FGF1: variants seen among roughly 807,000 people sequenced by gnomAD.
FGF1 encodes the protein fibroblast growth factor 1, also known as beta-endothelial cell growth factor.
Under a neutral mutation model 13.4 loss-of-function variants are expected in FGF1, and 9 were observed. That is an observed-to-expected ratio of 0.67 (90% confidence interval 0.40 to 1.17). FGF1 has a LOEUF of 1.17. FGF1 is among the 50% of genes most tolerant of loss of function. The probability of loss-of-function intolerance (pLI) is 0.01; values close to 1 mark genes in which losing one functional copy is unlikely to be tolerated. For missense variants in FGF1, 156 were observed against 192.7 expected (o/e 0.81, Z 1.13); for synonymous variants, 93 against 79.0 (o/e 1.18, Z -0.94).
At chr5:142,647,656 G>T (rs1766413466) in intron 1 of FGF1, among the ~76,000 whole-genome samples, 1 of 152,144 alleles carries the variant, frequency 6.6e-6, no homozygotes, top group Non-Finnish European at 1.5e-5. Flanking sequence ...TAGTCTGAAG[G>T]TAGTTTTATA....
At chr5:142,634,192 C>CAAAAAAA (rs1491324574) in intron 1 of FGF1, among the ~76,000 whole-genome samples, 4 of 53,330 alleles carry the variant, frequency 7.5e-5, no homozygotes, top group Non-Finnish European at 7.3e-5. Flanking sequence ...GACTCCATCT[C>CAAAAAAA]AAGAAAAAAA....
chr5:142,598,537 A>G (rs1755773167), intron 3 of FGF1, among the ~76,000 whole-genome samples: 1 of 152,188 alleles, frequency 6.6e-6, no homozygotes, highest in African/African-American at 2.4e-5. Flanking sequence ...AGTTATTCAC[A>G]TATTATAAAA....
At chr5:142,674,148 A>G (rs1772035352) in intron 1 of FGF1, among the ~76,000 whole-genome samples, 1 of 152,124 alleles carries the variant, frequency 6.6e-6, no homozygotes, top group African/African-American at 2.4e-5. Context: ...CTCCCAATGT[A>G]TAATAGCTTT....
At chr5:142,630,373 C>T (rs1001305019) in intron 1 of FGF1, among the ~76,000 whole-genome samples, 5 of 152,160 alleles carry the variant, frequency 3.3e-5, no homozygotes, top group African/African-American at 1.2e-4. Flanking sequence ...CTGTCCACAG[C>T]AGGTCCAATT....
upstream of FGF1, among the ~76,000 whole-genome samples, chr5:142,689,992 C>T (rs1480962013): frequency 2.0e-5 from 3 of 149,280 alleles, no homozygotes; most frequent in East Asian, 2.0e-4. Context: ...TGAGCCACCG[C>T]GCCCGGCCCC....
chr5:142,695,385 C>T (rs1752935725), intron 2 of FGF1, among the ~76,000 whole-genome samples: 1 of 152,026 alleles, frequency 6.6e-6, no homozygotes, highest in Non-Finnish European at 1.5e-5. Context: ...AGTTCGAGAC[C>T]AGCCTGGCCA....
At position 142,595,495 on chromosome 5, in the gene FGF1, A is replaced by G; in HGVS notation, c.274-11T>C. On this transcript the variant is annotated splice_polypyrimidine_tract_variant and intron_variant, in intron 3 of 3. Coordinates refer to ENST00000337706, the MANE Select transcript of FGF1 (RefSeq NM_000800.5). ...CTCATTTGGTGTCTGCTAAAAAGAT[A>G]AAACCAAAAGAGAGTAGGACAATCA... 6.2e-7 allele frequency: 1 copy of G among 1,610,810 alleles called. No individual in the cohort carries two copies. Among genetic ancestry groups the G allele is most frequent in the South Asian group, 1.1e-5 (1 of 90,610 alleles).
rs114806302 is a variant in FGF1, at chr5:142,659,042, G to A, written c.-35+26915C>T. ...CCAACAATGCTGAAGCCTTGCATTT[G>A]CTGGTGTTGGCGTGTGTTGGGGGAA... On this transcript the variant is annotated intron_variant, in intron 1 of 3. Coordinates refer to ENST00000337706, the MANE Select transcript of FGF1 (RefSeq NM_000800.5). 5.3e-3 allele frequency among the ~76,000 whole-genome samples: 806 copies of A among 152,272 alleles called. 3 individuals carry two copies. Among genetic ancestry groups the A allele is most frequent in the African/African-American group, 0.018 (757 of 41,550 alleles).
chr5:142,603,977 C>G (rs1469309246), intron 2 of FGF1, among the ~76,000 whole-genome samples: 1 of 152,202 alleles, frequency 6.6e-6, no homozygotes, highest in Non-Finnish European at 1.5e-5. Flanking sequence ...ACAGATGAGT[C>G]TGGAAACAGT....
chr5:142,608,254 C>G (rs1209572452), intron 2 of FGF1, among the ~76,000 whole-genome samples: 1 of 152,078 alleles, frequency 6.6e-6, no homozygotes, highest in Non-Finnish European at 1.5e-5. Context: ...TGCTTTCCGC[C>G]TCTGCTCTCC....
At chr5:142,623,926 T>C (rs981747245) in intron 1 of FGF1, among the ~76,000 whole-genome samples, 2 of 151,858 alleles carry the variant, frequency 1.3e-5, no homozygotes, top group Non-Finnish European at 2.9e-5. Context: ...CTTTTTTTTG[T>C]TTGATTGTTT....
chr5:142,636,329 T>C (rs2151940254), intron 1 of FGF1, among the ~76,000 whole-genome samples: 1 of 152,316 alleles, frequency 6.6e-6, no homozygotes, highest in Admixed American at 6.5e-5. Flanking sequence ...CATAATATGA[T>C]GACATCAGGC....
Position 142,592,382 on chromosome 5 carries a change from C to T in FGF1, c.*2908G>A. 2.5e-6 allele frequency: 1 copy of T among 398,594 alleles called. No homozygotes were observed. The allele number at this position is 398,594 out of a possible 1,614,324, so 24.7% of individuals were successfully genotyped here. ...ACAAAGCAAGGACCTTCAGTACTAG[C>T]TGATGCTCCAATCAGTTTTTTGTTC... On this transcript the variant is annotated 3_prime_UTR_variant, in exon 4 of 4. Transcript: ENST00000337706.
At chr5:142,682,682 G>A (rs1028846937) in intron 1 of FGF1, among the ~76,000 whole-genome samples, 2 of 152,080 alleles carry the variant, frequency 1.3e-5, no homozygotes, top group African/African-American at 2.4e-5. Context: ...AAAGGAAAGG[G>A]GAAAACAACG....
chr5:142,663,063 A>G (rs1769574019), intron 1 of FGF1, among the ~76,000 whole-genome samples: 1 of 152,124 alleles, frequency 6.6e-6, no homozygotes, highest in African/African-American at 2.4e-5. Flanking sequence ...GGCTTAAACA[A>G]TCCACCTGCC....
chr5:142,615,893 A>G (rs1375337250), intron 1 of FGF1, among the ~76,000 whole-genome samples: 3 of 152,202 alleles, frequency 2.0e-5, no homozygotes, highest in Non-Finnish European at 1.5e-5. Flanking sequence ...CCTGACATGT[A>G]CATCTGCCAC....
At chr5:142,682,615 A>G (rs577547647) in intron 1 of FGF1, among the ~76,000 whole-genome samples, 22 of 152,280 alleles carry the variant, frequency 1.4e-4, no homozygotes, top group African/African-American at 1.9e-4. Flanking sequence ...TACAGAATCT[A>G]TGTACTTAGC....
At position 142,594,186 on chromosome 5, in the gene FGF1, A is replaced by G. The variant is rs915214983; in HGVS notation, c.*1104T>C. 1 of 152,084 alleles carries G rather than the reference A, an allele frequency of 6.6e-6. No individual in the cohort carries two copies. The highest frequency in any genetic ancestry group is 2.4e-5 in the African/African-American group (1 of 41,388). The allele number at this position is 152,084 out of a possible 1,614,324, so 9.4% of individuals were successfully genotyped here. Reference sequence around the variant, plus strand: ...ACCTTCATTTGAATAACTCTTTAGGACCAGGACCCTGCTCCTTAATGTATG... The same window carrying G: ...ACCTTCATTTGAATAACTCTTTAGGGCCAGGACCCTGCTCCTTAATGTATG... On this transcript the variant is annotated 3_prime_UTR_variant, in exon 4 of 4. Coordinates refer to ENST00000337706, the MANE Select transcript of FGF1 (RefSeq NM_000800.5).
intron 1 of FGF1, among the ~76,000 whole-genome samples, chr5:142,681,417 C>T (rs1773667955): frequency 6.6e-6 from 1 of 152,082 alleles, no homozygotes; most frequent in Admixed American, 6.5e-5. Flanking sequence ...TCTTGGGCAC[C>T]GTCCACTACC....
Sources: allele counts gnomAD v4.1 joint callset (sites outside exome capture counted in the v4.1 genomes callset), GRCh38; gene constraint gnomAD v4.1.1; transcripts MANE v1.5; gene names NCBI Gene and HGNC (gene_info 2026-07-23, HGNC 2026-07-21).